Variants in TPH2 observed in about 807,000 individuals in gnomAD.
TPH2 encodes the protein tryptophan hydroxylase 2, also known as tryptophan 5-hydroxylase 2.
Under a neutral mutation model 59.1 loss-of-function variants are expected in TPH2, and 27 were observed. That is an observed-to-expected ratio of 0.46 (90% CI 0.34 to 0.63). The LOEUF (loss-of-function observed/expected upper bound fraction) is 0.63, where lower values mean the gene tolerates loss of function less well. Ranked by LOEUF, TPH2 falls within the 30% of genes least tolerant of loss-of-function variation. The probability of loss-of-function intolerance (pLI) is 0.01; values close to 1 mark genes in which losing one functional copy is unlikely to be tolerated. For missense variants in TPH2, 523 were observed against 588.3 expected, an observed-to-expected ratio of 0.89 and a Z score of 1.15; for synonymous variants, 220 against 210.5, an observed-to-expected ratio of 1.05 and a Z score of -0.39.
chr12:71,994,800 T>G (rs1166858928), intron 8 of TPH2, among the ~76,000 whole-genome samples: 2 of 152,204 alleles, frequency 1.3e-5, no homozygotes, highest in African/African-American at 2.4e-5. Context: ...AAGGGCTAGA[T>G]AGTAAACATA....
At chr12:71,969,145 T>A (rs377697547) in intron 5 of TPH2, among the ~76,000 whole-genome samples, 1 of 151,912 alleles carries the variant, frequency 6.6e-6, no homozygotes, top group African/African-American at 2.4e-5. Flanking sequence ...TAGCCGGGCG[T>A]GGTGGCGGGC....
At chr12:71,958,991 A>C (rs1023366552) in intron 5 of TPH2, among the ~76,000 whole-genome samples, 14 of 152,082 alleles carry the variant, frequency 9.2e-5, no homozygotes, top group Non-Finnish European at 1.3e-4. Context: ...TCAGAGAGAC[A>C]GAGAATTTTC....
At chr12:72,001,040 T>C (rs1214516028) in intron 8 of TPH2, among the ~76,000 whole-genome samples, 2 of 152,198 alleles carry the variant, frequency 1.3e-5, no homozygotes, top group African/African-American at 2.4e-5. Context: ...TCTCATATCA[T>C]AAAGGCATTT....
intron 7 of TPH2, among the ~76,000 whole-genome samples, chr12:71,981,275 G>T (rs561446668): frequency 5.3e-5 from 8 of 152,194 alleles, no homozygotes; most frequent in Non-Finnish European, 1.2e-4. Context: ...TGTATTAGGG[G>T]TGAAATGTAT....
intron 4 of TPH2, among the ~76,000 whole-genome samples, 164 bp from the exon 5 acceptor site, chr12:71,949,424 T>C (rs537595182): frequency 1.3e-5 from 2 of 152,354 alleles, no homozygotes; most frequent in East Asian, 3.9e-4. Flanking sequence ...AATGAGGTTT[T>C]ACTGTAAGCA....
intron 6 of TPH2, among the ~76,000 whole-genome samples, chr12:71,978,748 G>C (rs540756551): frequency 2.9e-4 from 44 of 152,098 alleles, no homozygotes; most frequent in Non-Finnish European, 4.3e-4. Flanking sequence ...TGTTCTCCTG[G>C]AAACCGTCAT....
rs142573747 is a variant in TPH2 at position 72,031,260 on chromosome 12, C to T, written c.1167C>T (p.His389=). The T allele has an allele frequency of 5.1e-5, 82 of 1,613,370 alleles. No individual in the cohort carries two copies. Among genetic ancestry groups the T allele is most frequent in the African/African-American group, 9.3e-5 (7 of 74,970 alleles). Residue 389 remains histidine, a splice_region_variant and synonymous_variant, in exon 10 of 11, where the codon CAC becomes CAT. Coordinates refer to ENST00000333850, the MANE Select transcript of TPH2 (RefSeq NM_173353.4). ...AGGTTTTGTGGTATATTTTGCAGCACGCCCTTTCTGACAAGGCATGTGTGA... is the reference window on the plus strand; with the variant it reads ...AGGTTTTGTGGTATATTTTGCAGCATGCCCTTTCTGACAAGGCATGTGTGA... ...GLLSSIGELK[H]ALSDKACVKA...
chr12:71,960,071 G>T (rs1871635413), intron 5 of TPH2, among the ~76,000 whole-genome samples: 2 of 152,180 alleles, frequency 1.3e-5, no homozygotes, highest in South Asian at 2.1e-4. Context: ...TGGGTACTTT[G>T]TGACTCCTGC....
chr12:71,944,447 C>T lies in TPH2; in HGVS notation c.409C>T (p.Pro137Ser). ...TCAAACCACTATTGTGACGCTGAAT[C>T]CTCCAGAGAACATTTGGACAGAGGA... ...KFQTTIVTLNPPENIWTEEEE... is the reference protein window; with the variant it reads ...KFQTTIVTLNSPENIWTEEEE... The change falls in exon 3 of 11, where the codon CCT becomes TCT. Residue 137 changes from proline (P) to serine (S), a missense_variant. Transcript: ENST00000333850. The T allele has an allele frequency of 1.2e-6, 2 of 1,613,942 alleles. No individual in the cohort carries two copies. Among genetic ancestry groups the T allele is most frequent in the Non-Finnish European group, 1.7e-6 (2 of 1,179,880 alleles).
intron 5 of TPH2, among the ~76,000 whole-genome samples, chr12:71,967,023 T>C (rs966158461): frequency 6.6e-6 from 1 of 152,188 alleles, no homozygotes; most frequent in Non-Finnish European, 1.5e-5. Context: ...CAAATAATAG[T>C]TAAACAAAAT....
At position 72,031,588 on chromosome 12, in the gene TPH2, A is replaced by G; in HGVS notation, c.1366A>G (p.Ile456Val). ...CAATCCCTACACACAGAGTATTGAAATTCTGAAAGACACCAGAAGTATTGA... is the reference window on the plus strand; with the variant it reads ...CAATCCCTACACACAGAGTATTGAAGTTCTGAAAGACACCAGAAGTATTGA... ...YFNPYTQSIE[I>V]LKDTRSIENV... Residue 456 changes from isoleucine to valine, a missense_variant, in exon 11 of 11, where the codon ATT becomes GTT. By Grantham distance (29) the Ile-to-Val change is conservative (BLOSUM62 3). Coordinates refer to ENST00000333850, the MANE Select transcript of TPH2 (RefSeq NM_173353.4). 6.2e-7 allele frequency: 1 copy of G among 1,613,672 alleles called. No individual in the cohort carries two copies. The highest frequency in any genetic ancestry group is 1.1e-5 in the South Asian group (1 of 91,076).
intron 5 of TPH2, among the ~76,000 whole-genome samples, chr12:71,957,854 A>T (rs1871555732): frequency 6.6e-6 from 1 of 152,210 alleles, no homozygotes; most frequent in African/African-American, 2.4e-5. Context: ...AGGTTGGAGG[A>T]TAAGCTCGCA....
intron 7 of TPH2, among the ~76,000 whole-genome samples, chr12:71,986,630 C>CTCT (rs1872445031): frequency 1.5e-5 from 2 of 131,390 alleles, no homozygotes; most frequent in South Asian, 5.0e-4. Flanking sequence ...AGCCACCCTT[C>CTCT]TTTTTTTTTT....
intron 8 of TPH2, among the ~76,000 whole-genome samples, chr12:72,013,623 T>C (rs11179045): frequency 1.3e-5 from 2 of 152,212 alleles, no homozygotes; most frequent in Non-Finnish European, 2.9e-5. Flanking sequence ...AATTCAAGAT[T>C]GAATGAGATG....
intron 5 of TPH2, among the ~76,000 whole-genome samples, chr12:71,970,662 C>G (rs528216255): frequency 6.6e-6 from 1 of 152,354 alleles, no homozygotes; most frequent in Admixed American, 6.5e-5. Context: ...CATTTATATA[C>G]TTATTTCCTT....
chr12:72,023,609 C>T, intron 9 of TPH2, among the ~76,000 whole-genome samples: 1 of 151,998 alleles, frequency 6.6e-6, no homozygotes, highest in East Asian at 1.9e-4. Flanking sequence ...GTGGGCGGAT[C>T]ACCTGAGGTC....
intron 7 of TPH2, among the ~76,000 whole-genome samples, chr12:71,989,634 C>T (rs1004316370): frequency 2.0e-5 from 3 of 152,168 alleles, no homozygotes; most frequent in Non-Finnish European, 4.4e-5. Flanking sequence ...GTCAATTCCT[C>T]GTAAAGGCTT....
At chr12:71,980,760 A>G (rs1189599062) in intron 7 of TPH2, among the ~76,000 whole-genome samples, 1 of 152,122 alleles carries the variant, frequency 6.6e-6, no homozygotes, top group Admixed American at 6.5e-5. Context: ...CAGCGTGCCA[A>G]TAGGTATGCA....
intron 5 of TPH2, chr12:71,961,772 G>A (rs1486079941): frequency 7.6e-7 from 1 of 1,312,232 alleles, no homozygotes; most frequent in Non-Finnish European, 1.0e-6. Flanking sequence ...TGAGAAAATA[G>A]TGGGAAGCCC....
Sources: allele counts gnomAD v4.1 joint callset (sites outside exome capture counted in the v4.1 genomes callset), GRCh38; gene constraint gnomAD v4.1.1; transcripts MANE v1.5; gene names NCBI Gene and HGNC (gene_info 2026-07-23, HGNC 2026-07-21).